MECOM: variants seen among roughly 807,000 people sequenced by gnomAD.
The protein encoded by MECOM is MDS1 and EVI1 complex locus, also known as histone-lysine N-methyltransferase MECOM.
In MECOM, 13 loss-of-function variants were observed where a neutral mutation model predicts 116.3. The observed-to-expected ratio is 0.11, with a 90% CI of 0.07 to 0.18. MECOM has a LOEUF of 0.18. Among genes scored for constraint, MECOM ranks in the 10% least tolerant of loss-of-function variants. The pLI is 1.00. For missense variants in MECOM, 1,299 were observed against 1,509.0 expected (o/e 0.86, Z 2.31); for synonymous variants, 528 against 535.2 (o/e 0.99, Z 0.19).
chr3:169,174,122 C>G (rs1334838732), intron 2 of MECOM, among the ~76,000 whole-genome samples: 1 of 152,166 alleles, frequency 6.6e-6, no homozygotes, highest in Non-Finnish European at 1.5e-5. Context: ...AATTTTCAAA[C>G]TCCCAGTGAT....
chr3:169,378,456 A>AGAAG (rs1175583874), intron 2 of MECOM, among the ~76,000 whole-genome samples: 53 of 51,664 alleles, frequency 1.0e-3, no homozygotes, highest in African/African-American at 1.7e-3. Flanking sequence ...AAAGAAGGAA[A>AGAAG]GCAAGCAAGC....
In MECOM at chr3:169,090,350, G is replaced by A. The variant is rs926847691; in HGVS notation, c.3165-114C>T. On this transcript the variant is annotated intron_variant, in intron 14 of 16. Coordinates refer to ENST00000651503, the MANE Select transcript of MECOM (RefSeq NM_004991.4). ...TTTAGATTTTCAACACTTAACATCG[G>A]AAATGTTTTATTGTTTATGCTCTAC... The A allele has an allele frequency of 3.3e-6, 3 of 907,656 alleles. No homozygotes were observed. The African/African-American group carries it at 5.0e-5, about 15-fold the overall frequency. The allele number at this position is 907,656 out of a possible 1,614,324, so 56.2% of individuals were successfully genotyped here.
chr3:169,389,274 C>A (rs1053142504), intron 1 of MECOM, among the ~76,000 whole-genome samples: 1 of 152,208 alleles, frequency 6.6e-6, no homozygotes, highest in African/African-American at 2.4e-5. Flanking sequence ...AAAATTCATA[C>A]TTGAGGTACC....
At chr3:169,437,562 G>T (rs1742871873) in intron 1 of MECOM, among the ~76,000 whole-genome samples, 1 of 152,106 alleles carries the variant, frequency 6.6e-6, no homozygotes, top group Admixed American at 6.6e-5. Flanking sequence ...CCATTTAACA[G>T]AGTCAAACTT....
intron 1 of MECOM, among the ~76,000 whole-genome samples, chr3:169,432,328 T>C (rs1451300569): frequency 1.3e-5 from 2 of 152,068 alleles, no homozygotes; most frequent in Non-Finnish European, 2.9e-5. Flanking sequence ...TCGGCTACTT[T>C]TGTATTTTTG....
intron 1 of MECOM, among the ~76,000 whole-genome samples, chr3:169,382,879 A>AAAAAAAAAAAAAAAAAAAGAAG (rs1358767356): frequency 2.6e-4 from 36 of 138,524 alleles, no homozygotes; most frequent in Non-Finnish European, 4.1e-4. Flanking sequence ...AAAAATAAAA[A>AAAAAAAAAAAAAAAAAAAGAAG]AAGAAGGTAA....
intron 1 of MECOM, among the ~76,000 whole-genome samples, chr3:169,527,187 C>T (rs1329889791): frequency 1.3e-5 from 2 of 152,156 alleles, no homozygotes; most frequent in African/African-American, 4.8e-5. Context: ...CATAGGCAAC[C>T]TTTGTATGTT....
intron 1 of MECOM, among the ~76,000 whole-genome samples, chr3:169,471,914 G>T (rs1440750184): frequency 6.6e-6 from 1 of 151,916 alleles, no homozygotes; most frequent in African/African-American, 2.4e-5. Context: ...CTTCATTTTA[G>T]CAACCATGTT....
chr3:169,488,505 C>T (rs949299628), intron 1 of MECOM, among the ~76,000 whole-genome samples: 6 of 151,792 alleles, frequency 4.0e-5, no homozygotes, highest in Admixed American at 3.3e-4. Context: ...GAGATTGCAC[C>T]ACTGCACTGC....
chr3:169,395,337 A>T lies in MECOM; in HGVS notation c.38-13813T>A, dbSNP rs566334779. ...AGCCAAAGCACACCAATTTTACTGA[A>T]ATTGGCTGGTACCTTTTTCTCCTTC... On this transcript the variant is annotated intron_variant, in intron 1 of 16. Coordinates refer to ENST00000651503, the MANE Select transcript of MECOM (RefSeq NM_004991.4). Among the ~76,000 whole-genome samples, 22 of 152,316 alleles carry T rather than the reference A, an allele frequency of 1.4e-4. No homozygotes were observed. The East Asian group carries it at 4.2e-3, about 29-fold the overall frequency.
intron 1 of MECOM, among the ~76,000 whole-genome samples, chr3:169,400,864 G>T (rs1577985815): frequency 6.6e-6 from 1 of 152,164 alleles, no homozygotes. Flanking sequence ...TCACTGCTTG[G>T]AAATGCAATC....
intron 2 of MECOM, among the ~76,000 whole-genome samples, chr3:169,177,568 CAT>C (rs1448320887): frequency 1.3e-5 from 2 of 151,984 alleles, no homozygotes; most frequent in African/African-American, 4.8e-5. Flanking sequence ...GCATTTTCTG[CAT>C]ATGTATCCGA....
intron 1 of MECOM, among the ~76,000 whole-genome samples, chr3:169,580,761 A>C (rs1765034733): frequency 1.3e-5 from 2 of 152,250 alleles, no homozygotes; most frequent in Non-Finnish European, 2.9e-5. Flanking sequence ...TAAATTTAAG[A>C]GCAGATTGTG....
intron 1 of MECOM, among the ~76,000 whole-genome samples, chr3:169,410,603 C>T (rs1333035548): frequency 6.6e-6 from 1 of 152,092 alleles, no homozygotes; most frequent in East Asian, 1.9e-4. Context: ...AAGCGCTAGA[C>T]AAATAGGAAA....
At position 169,441,744 on chromosome 3, in the gene MECOM, T is replaced by TTTTTTTTTTTTTTTTTTTTTTTTTG. The variant is rs1237906532; in HGVS notation, c.38-60221_38-60220insCAAAAAAAAAAAAAAAAAAAAAAAA. On this transcript the variant is annotated intron_variant, in intron 1 of 16. Coordinates refer to ENST00000651503, the MANE Select transcript of MECOM (RefSeq NM_004991.4). ...TCTTCTCTTCTTTTTTTTTTTTTTT[T>TTTTTTTTTTTTTTTTTTTTTTTTTG]AAAAAAGGGGGGGTCTTGCTCTGTC... Among the ~76,000 whole-genome samples the TTTTTTTTTTTTTTTTTTTTTTTTTG allele has an allele frequency of 2.0e-4, 28 of 142,086 alleles. 4 individuals are homozygous for TTTTTTTTTTTTTTTTTTTTTTTTTG. Among genetic ancestry groups the TTTTTTTTTTTTTTTTTTTTTTTTTG allele is most frequent in the Non-Finnish European group, 2.8e-4 (18 of 63,430 alleles). 93.2% of individuals were successfully genotyped at this position (142,086 alleles called of 152,430 possible).
chr3:169,420,972 C>A (rs1213968894), intron 1 of MECOM, among the ~76,000 whole-genome samples: 1 of 151,978 alleles, frequency 6.6e-6, no homozygotes, highest in Non-Finnish European at 1.5e-5. Flanking sequence ...CCTAACATTC[C>A]ATAGAATATT....
rs149840803 is a variant in MECOM at position 169,100,642 on chromosome 3, C to T, written c.2849+243G>A. On this transcript the variant is annotated intron_variant, in intron 12 of 16. Coordinates refer to ENST00000651503, the MANE Select transcript of MECOM (RefSeq NM_004991.4). ...TCTTAAGTACTTATTCTGTCCTAGA[C>T]ACTGTGCTAGAACTTTTAAACTGAG... is the stretch of plus-strand genomic sequence containing the variant. Among the ~76,000 whole-genome samples the T allele has an allele frequency of 2.3e-3, 345 of 152,232 alleles. 9 individuals are homozygous for T. In the East Asian group the frequency reaches 0.062, roughly 27 times the overall value.
chr3:169,562,139 CAAA>C (rs10714325), intron 1 of MECOM, among the ~76,000 whole-genome samples: 1 of 25,282 alleles, frequency 4.0e-5, no homozygotes, highest in African/African-American at 1.4e-4. Flanking sequence ...GAGCAATACT[CAAA>C]AAAAAAAAAA....
chr3:169,241,015 G>A (rs1483473832), intron 2 of MECOM, among the ~76,000 whole-genome samples: 1 of 152,124 alleles, frequency 6.6e-6, no homozygotes, highest in African/African-American at 2.4e-5. Context: ...GTAATATAAA[G>A]TGTCTACATT....
Sources: gnomAD v4.1 joint callset for allele counts (sites outside exome capture counted in the v4.1 genomes callset) on GRCh38, gnomAD v4.1.1 for gene constraint, MANE v1.5 for transcripts, NCBI Gene and HGNC (gene_info 2026-07-23, HGNC 2026-07-21) for gene names.